RORA: variants seen among roughly 807,000 people sequenced by gnomAD.
RORA encodes the protein RAR related orphan receptor A.
Under a neutral mutation model 69.5 loss-of-function variants are expected in RORA, and 7 were observed. The observed-to-expected ratio is 0.10, with a 90% CI of 0.06 to 0.19. The LOEUF (loss-of-function observed/expected upper bound fraction) is 0.19, where lower values mean the gene tolerates loss of function less well. Among genes scored for constraint, RORA ranks in the 10% least tolerant of loss-of-function variants. The pLI, the probability that RORA is intolerant of heterozygous loss-of-function variation, is 1.00. For synonymous variants in RORA, 261 were observed against 240.8 expected (o/e 1.08, Z -0.78); for missense variants, 457 against 663.0 (o/e 0.69, Z 3.41).
chr15:60,604,176 GGC>G (rs1315349459), intron 2 of RORA, among the ~76,000 whole-genome samples: 6 of 148,534 alleles, frequency 4.0e-5, no homozygotes, highest in African/African-American at 1.5e-4. Flanking sequence ...AGAAAAATAT[GGC>G]ATTGAATAGA....
intron 1 of RORA, among the ~76,000 whole-genome samples, chr15:60,696,390 T>C (rs1036440718): frequency 8.6e-5 from 13 of 151,926 alleles, no homozygotes; most frequent in African/African-American, 2.9e-4. Context: ...AAAAAGACAT[T>C]CCAGAAAAAT....
intron 1 of RORA, among the ~76,000 whole-genome samples, chr15:60,740,376 T>A (rs931725255): frequency 5.9e-5 from 9 of 152,182 alleles, no homozygotes; most frequent in African/African-American, 2.2e-4. Flanking sequence ...TCCATTTAAA[T>A]TGCAAAAGCT....
chr15:61,150,447 T>A (rs1256347960), intron 1 of RORA, among the ~76,000 whole-genome samples: 1 of 152,222 alleles, frequency 6.6e-6, no homozygotes, highest in Non-Finnish European at 1.5e-5. Context: ...TTTAATGACC[T>A]TGTTCAGCCC....
intron 2 of RORA, among the ~76,000 whole-genome samples, chr15:60,669,434 G>A (rs1387564007): frequency 6.6e-6 from 1 of 151,794 alleles, no homozygotes; most frequent in Non-Finnish European, 1.5e-5. Flanking sequence ...GGATAAAAAT[G>A]TCACCTGGGT....
intron 1 of RORA, among the ~76,000 whole-genome samples, chr15:60,917,582 T>C (rs755326192): frequency 6.6e-5 from 10 of 152,206 alleles, no homozygotes; most frequent in Non-Finnish European, 7.3e-5. Context: ...AGCAGCTCTA[T>C]CTGGGAGAAA....
intron 2 of RORA, among the ~76,000 whole-genome samples, chr15:60,627,938 A>G (rs2069635347): frequency 6.6e-6 from 1 of 152,188 alleles, no homozygotes. Flanking sequence ...AAGCTTATAG[A>G]GAGCAGGGAA....
chr15:60,671,067 G>T (rs1037583261), intron 2 of RORA, among the ~76,000 whole-genome samples: 37 of 122,274 alleles, frequency 3.0e-4, no homozygotes, highest in African/African-American at 9.8e-4. Flanking sequence ...ATATCCCATT[G>T]ATATATATAT....
intron 1 of RORA, among the ~76,000 whole-genome samples, chr15:60,865,962 T>C (rs1033995629): frequency 6.6e-6 from 1 of 152,064 alleles, no homozygotes; most frequent in African/African-American, 2.4e-5. Context: ...TATTTATATA[T>C]TTTTACATGT....
intron 1 of RORA, among the ~76,000 whole-genome samples, chr15:60,904,519 A>G (rs1314983673): frequency 1.3e-5 from 2 of 152,228 alleles, no homozygotes; most frequent in Non-Finnish European, 2.9e-5. Flanking sequence ...GTCAGCAAGT[A>G]AATGGGGAGA....
intron 2 of RORA, among the ~76,000 whole-genome samples, chr15:60,594,276 A>G (rs2068619132): frequency 6.6e-6 from 1 of 152,254 alleles, no homozygotes; most frequent in African/African-American, 2.4e-5. Context: ...ATGCAACTAT[A>G]TCTCCCAATG....
intron 1 of RORA, among the ~76,000 whole-genome samples, chr15:61,022,680 G>C (rs901694136): frequency 2.0e-5 from 3 of 152,146 alleles, no homozygotes; most frequent in Admixed American, 6.5e-5. Flanking sequence ...TGACCCCCTA[G>C]ACACATTGTG....
Position 61,119,008 on chromosome 15 carries a change from G to A in RORA, c.166+110045C>T, listed in dbSNP as rs563903562. Reference sequence around the variant, plus strand: ...AATAAAAAAGGAATGCGTGAGGGTCGGAGTTTTTGGAAGATGAACATGAGA... The same window carrying A: ...AATAAAAAAGGAATGCGTGAGGGTCAGAGTTTTTGGAAGATGAACATGAGA... On this transcript the variant is annotated intron_variant, in intron 1 of 10. Transcript: ENST00000335670. Among the ~76,000 whole-genome samples the A allele has an allele frequency of 2.1e-4, 31 of 151,106 alleles. No homozygotes were observed. The South Asian group carries it at 3.6e-3, about 17-fold the overall frequency.
intron 1 of RORA, among the ~76,000 whole-genome samples, chr15:60,974,054 T>C (rs1007585445): frequency 6.6e-6 from 1 of 152,230 alleles, no homozygotes; most frequent in Non-Finnish European, 1.5e-5. Context: ...TTAGTTAATG[T>C]GCTGCTCCTT....
At chr15:60,866,820 T>TATCTATCTATC (rs2073493265) in intron 1 of RORA, among the ~76,000 whole-genome samples, 2 of 146,680 alleles carry the variant, frequency 1.4e-5, no homozygotes, top group African/African-American at 5.1e-5. Flanking sequence ...TATCTTATCT[T>TATCTATCTATC]TATCTATCTA....
intron 1 of RORA, among the ~76,000 whole-genome samples, chr15:61,075,187 G>GT (rs2078431216): frequency 6.6e-6 from 1 of 152,122 alleles, no homozygotes; most frequent in Non-Finnish European, 1.5e-5. Context: ...GAGCTAGTAG[G>GT]TATTTCTCTT....
At chr15:60,571,743 T>C (rs2067887202) in intron 2 of RORA, among the ~76,000 whole-genome samples, 1 of 152,210 alleles carries the variant, frequency 6.6e-6, no homozygotes, top group Non-Finnish European at 1.5e-5. Context: ...TCTAATAGTC[T>C]ATAAAATGCC....
chr15:60,933,196 A>T (rs1892424495), intron 1 of RORA, among the ~76,000 whole-genome samples: 2 of 152,158 alleles, frequency 1.3e-5, no homozygotes, highest in African/African-American at 4.8e-5. Flanking sequence ...TCCAACCCAA[A>T]TTCTCCACTG....
rs59914367 is a variant in RORA at position 61,061,354 on chromosome 15, A to AAAATAAATAAAT, written c.166+167687_166+167698dup. On this transcript the variant is annotated intron_variant, in intron 1 of 10. Coordinates refer to ENST00000335670, the MANE Select transcript of RORA (RefSeq NM_134261.3). The surrounding 1 kb of genome is among the most constrained non-coding windows in gnomAD (Gnocchi z 4.4). ...GAGACAGAGCGAGGCTCTATCTTAAAAAATAAATAAATAAATAAATAAATA... is the reference window on the plus strand; with the variant it reads ...GAGACAGAGCGAGGCTCTATCTTAAAAAATAAATAAATAAATAAATAAATAAATAAATAAATA... Among the ~76,000 whole-genome samples, 200 of 137,158 alleles carry AAAATAAATAAAT rather than the reference A, an allele frequency of 1.5e-3. No homozygotes were observed. Among genetic ancestry groups the AAAATAAATAAAT allele is most frequent in the Middle Eastern group, 0.011 (3 of 264 alleles). The allele number at this position is 137,158 out of a possible 152,430, so 90.0% of individuals were successfully genotyped here. A position where few individuals can be genotyped will look rare whatever the true frequency, so the allele number is the denominator to read the frequency against.
At chr15:60,556,067 C>A (rs1195444381) in intron 2 of RORA, among the ~76,000 whole-genome samples, 1 of 152,150 alleles carries the variant, frequency 6.6e-6, no homozygotes, top group Non-Finnish European at 1.5e-5. Context: ...AAATCTCCCC[C>A]ACTTGAAAGA....
Sources: allele counts gnomAD v4.1 joint callset (sites outside exome capture counted in the v4.1 genomes callset), GRCh38; gene constraint gnomAD v4.1.1; non-coding constraint Gnocchi (gnomAD v3.1); transcripts MANE v1.5; gene names NCBI Gene and HGNC (gene_info 2026-07-23, HGNC 2026-07-21).